Variants in MARK4 observed in about 807,000 individuals in gnomAD.
MARK4 encodes microtubule affinity regulating kinase 4.
A neutral mutation model predicts 81.5 loss-of-function variants in MARK4; 19 were observed. The observed-to-expected ratio is 0.23, with a 90% CI of 0.16 to 0.34. The LOEUF (loss-of-function observed/expected upper bound fraction) is 0.34. MARK4 is among the 10% of genes least tolerant of loss of function. The pLI is 1.00. For synonymous variants in MARK4, 436 were observed against 439.0 expected, an observed-to-expected ratio of 0.99 and a Z score of 0.08; for missense variants, 772 against 1,058.8, an observed-to-expected ratio of 0.73 and a Z score of 3.76.
intron 8 of MARK4, among the ~76,000 whole-genome samples, chr19:45,273,326 A>G (rs542874167): frequency 6.6e-6 from 1 of 152,214 alleles, no homozygotes; most frequent in South Asian, 2.1e-4. Context: ...GGCGCATTTG[A>G]CAGTTAGTTG....
rs1049062564 is a variant in MARK4 at position 45,302,802 on chromosome 19, T to C, written c.*92T>C. Reference sequence around the variant, plus strand: ...GGGGCCAGGGAGGGGATTCTCCCTTTATCATCACCTCAGTTTCCCTGAATT... The same window carrying C: ...GGGGCCAGGGAGGGGATTCTCCCTTCATCATCACCTCAGTTTCCCTGAATT... On this transcript the variant is annotated 3_prime_UTR_variant, in exon 17 of 17. Coordinates refer to ENST00000262891, the MANE Select transcript of MARK4 (RefSeq NM_001199867.2). This position sits in a 1 kb window ranked among gnomAD's most constrained non-coding sequence, Gnocchi z 4.9. The C allele has an allele frequency of 3.4e-6, 5 of 1,461,196 alleles. No individual in the cohort carries two copies. The highest frequency in any genetic ancestry group is 4.5e-5 in the Admixed American group (2 of 44,264). The allele number at this position is 1,461,196 out of a possible 1,614,324, so 90.5% of individuals were successfully genotyped here.
chr19:45,287,955 A>G, intron 13 of MARK4: 1 of 464,444 alleles, frequency 2.2e-6, no homozygotes, highest in African/African-American at 2.0e-5. Context: ...AAATGTGGGA[A>G]AGGCCAGGCA....
chr19:45,282,931 G>A (rs1293700980), intron 12 of MARK4, among the ~76,000 whole-genome samples: 1 of 152,208 alleles, frequency 6.6e-6, no homozygotes. Flanking sequence ...GATCGAGGTC[G>A]TGGTGAGCCG....
At chr19:45,270,800 C>T (rs528202528) in intron 7 of MARK4, among the ~76,000 whole-genome samples, 8 of 151,878 alleles carry the variant, frequency 5.3e-5, no homozygotes, top group South Asian at 2.1e-4. Flanking sequence ...GACGGAGTTT[C>T]GCTCTTGTTG....
intron 7 of MARK4, among the ~76,000 whole-genome samples, chr19:45,269,606 C>T (rs531710119): frequency 1.3e-5 from 2 of 152,084 alleles, no homozygotes; most frequent in African/African-American, 2.4e-5. Context: ...ATGGGCCAGA[C>T]GCGGGTGACA....
Position 45,302,724 on chromosome 19 carries a change from CA to C in MARK4, c.*15del. On this transcript the variant is annotated 3_prime_UTR_variant, in exon 17 of 17. Transcript: ENST00000262891. This position sits in a 1 kb window ranked among gnomAD's most constrained non-coding sequence, Gnocchi z 4.9. ...CTCGAGCTCTGAGCCACCACGGTCCCAGGGCCCTTACTCTTCCTCTCCCTTG... is the reference window on the plus strand; with the variant it reads ...CTCGAGCTCTGAGCCACCACGGTCCCGGGCCCTTACTCTTCCTCTCCCTTG... 6.5e-7 allele frequency: 1 copy of C among 1,535,884 alleles called. No individual in the cohort carries two copies. The highest frequency in any genetic ancestry group is 8.7e-7 in the Non-Finnish European group (1 of 1,146,712).
rs764545176 is a variant in MARK4 at position 45,287,661 on chromosome 19, C to A, written c.1491C>A (p.Thr497=). 3.7e-6 allele frequency: 6 copies of A among 1,603,676 alleles called. No individual in the cohort carries two copies. In the South Asian group the frequency reaches 6.7e-5, roughly 18 times the overall value. The change falls in exon 13 of 17, where the codon ACC becomes ACA. Residue 497 remains threonine, a synonymous_variant. Coordinates refer to ENST00000262891, the MANE Select transcript of MARK4 (RefSeq NM_001199867.2). ...IPERRKDSTS[T]PNNLPPSMMT... is the part of the protein sequence containing the mutation. ...AGCGGCGGAAGGACAGCACGAGCACCCCCGTGAGTGACCAGGGCTGGGGGG... is the reference window on the plus strand; with the variant it reads ...AGCGGCGGAAGGACAGCACGAGCACACCCGTGAGTGACCAGGGCTGGGGGG...
chr19:45,287,785 T>G (rs1003864563), intron 13 of MARK4, 121 bp downstream of exon 13: 10 of 1,128,448 alleles, frequency 8.9e-6, no homozygotes, highest in Non-Finnish European at 2.6e-6. Flanking sequence ...TTCTACCCAT[T>G]CATTCATTCA....
chr19:45,294,156 ACT>A (rs1272373247), intron 13 of MARK4, among the ~76,000 whole-genome samples, 191 bp from the exon 14 acceptor site: 2 of 151,998 alleles, frequency 1.3e-5, no homozygotes, highest in African/African-American at 4.8e-5. Flanking sequence ...GTCTCCCCTG[ACT>A]CAGCCTCGGT....
chr19:45,294,692 G>A (rs1479989374), intron 14 of MARK4, among the ~76,000 whole-genome samples: 1 of 152,198 alleles, frequency 6.6e-6, no homozygotes, highest in African/African-American at 2.4e-5. Flanking sequence ...CAAGCCTTGG[G>A]AACCTGAATT....
chr19:45,300,932 G>A (rs930429568), intron 16 of MARK4, among the ~76,000 whole-genome samples: 7 of 152,024 alleles, frequency 4.6e-5, no homozygotes, highest in African/African-American at 1.7e-4. Context: ...GCTGAGGGGC[G>A]GCCCCACCGG....
At chr19:45,282,260 A>G (rs966885998) in intron 12 of MARK4, among the ~76,000 whole-genome samples, 10 of 151,600 alleles carry the variant, frequency 6.6e-5, no homozygotes, top group Admixed American at 2.0e-4. Context: ...ACACACCACC[A>G]TCAGCACCCA....
In MARK4 at chr19:45,302,579, T is replaced by A; in HGVS notation, c.2128T>A (p.Ser710Thr). 1 of 1,577,702 alleles carries A rather than the reference T, an allele frequency of 6.3e-7. No individual in the cohort carries two copies. The highest frequency in any genetic ancestry group is 8.6e-7 in the Non-Finnish European group (1 of 1,168,582). ...HGGAGGPEPL[S>T]HFEVEVCQLP... is the part of the protein sequence containing the mutation. ...GGGTGCGGGCGGGCCCGAGCCCCTG[T>A]CCCACTTCGAAGTGGAGGTCTGCCA... The change falls in exon 17 of 17, where the codon TCC becomes ACC. Residue 710 changes from serine to threonine, a missense_variant. By Grantham distance (58) the Ser-to-Thr change is moderately conservative. Transcript: ENST00000262891. This position sits in a 1 kb window ranked among gnomAD's most constrained non-coding sequence, Gnocchi z 4.9.
chr19:45,277,055 C>A (rs535118173), intron 8 of MARK4, among the ~76,000 whole-genome samples: 10 of 152,072 alleles, frequency 6.6e-5, no homozygotes, highest in Non-Finnish European at 8.8e-5. Context: ...ACCTACCTCC[C>A]TCTTACCTGA....
At chr19:45,253,518 G>T (rs1451422387) in intron 1 of MARK4, among the ~76,000 whole-genome samples, 1 of 152,210 alleles carries the variant, frequency 6.6e-6, no homozygotes, top group Admixed American at 6.5e-5. Flanking sequence ...TTCAGGCGAA[G>T]GCTGGCACCT....
intron 14 of MARK4, among the ~76,000 whole-genome samples, chr19:45,297,072 G>A (rs1004155078): frequency 2.1e-5 from 3 of 144,310 alleles, no homozygotes; most frequent in African/African-American, 7.8e-5. Flanking sequence ...AAAAAAATTA[G>A]CCAGGCATGG....
intron 2 of MARK4, among the ~76,000 whole-genome samples, chr19:45,259,716 G>A (rs1213598890): frequency 1.3e-5 from 2 of 151,902 alleles, no homozygotes; most frequent in Non-Finnish European, 2.9e-5. Flanking sequence ...TTGAGGCTGC[G>A]GTGAGGTGTG....
chr19:45,291,062 A>C (rs1209465992), intron 13 of MARK4, among the ~76,000 whole-genome samples: 3 of 152,106 alleles, frequency 2.0e-5, no homozygotes, highest in Non-Finnish European at 4.4e-5. Context: ...ATAAGTACAA[A>C]TTCATGCCCC....
chr19:45,275,115 G>A (rs1455417478), intron 8 of MARK4, among the ~76,000 whole-genome samples: 2 of 152,238 alleles, frequency 1.3e-5, no homozygotes, highest in East Asian at 3.9e-4. Flanking sequence ...ACAAAAAGTA[G>A]CCAGGCGTGG....
Sources: gnomAD v4.1 joint callset for allele counts (sites outside exome capture counted in the v4.1 genomes callset) on GRCh38, gnomAD v4.1.1 for gene constraint, Gnocchi (gnomAD v3.1) non-coding constraint, MANE v1.5 for transcripts, NCBI Gene and HGNC (gene_info 2026-07-23, HGNC 2026-07-21) for gene names.